Variants in RBFOX1 observed in about 807,000 individuals in gnomAD.
The protein encoded by RBFOX1 is RNA binding protein fox-1 homolog 1.
RBFOX1 carries 8 observed loss-of-function variants against 57.7 expected under a neutral mutation model. The observed-to-expected ratio is 0.14, with a 90% CI of 0.08 to 0.25. The LOEUF (loss-of-function observed/expected upper bound fraction) is 0.25. Among genes scored for constraint, RBFOX1 ranks in the 10% least tolerant of loss-of-function variants. RBFOX1 has a pLI of 1.00. For synonymous variants in RBFOX1, 326 were observed against 222.4 expected (o/e 1.47, Z -4.15); for missense variants, 611 against 548.5 (o/e 1.11, Z -1.14).
intron 3 of RBFOX1, among the ~76,000 whole-genome samples, chr16:6,738,552 A>T (rs1568413053): frequency 6.6e-6 from 1 of 152,196 alleles, no homozygotes; most frequent in Non-Finnish European, 1.5e-5. Flanking sequence ...GTAAACCTCA[A>T]CATCCATCTC....
At chr16:6,936,928 C>T (rs921615412) in intron 3 of RBFOX1, among the ~76,000 whole-genome samples, 2 of 118,728 alleles carry the variant, frequency 1.7e-5, no homozygotes, top group Admixed American at 1.3e-4. Context: ...CATGTGATCT[C>T]ATTGGGACTG....
intron 3 of RBFOX1, among the ~76,000 whole-genome samples, chr16:6,794,301 T>C (rs1341657011): frequency 1.4e-5 from 2 of 145,426 alleles, no homozygotes; most frequent in South Asian, 2.2e-4. Context: ...TTTTTTTTTT[T>C]ACAATGAAGG....
intron 4 of RBFOX1, among the ~76,000 whole-genome samples, chr16:7,105,003 C>G (rs950870915): frequency 1.3e-5 from 2 of 152,094 alleles, no homozygotes; most frequent in African/African-American, 4.8e-5. Context: ...GCTCTGCTTT[C>G]TTTGATTCAG....
At chr16:6,506,331 G>T (rs866771692) in intron 2 of RBFOX1, among the ~76,000 whole-genome samples, 1 of 152,028 alleles carries the variant, frequency 6.6e-6, no homozygotes, top group Non-Finnish European at 1.5e-5. Context: ...GGAGGGAAGA[G>T]CCAGACACTC....
chr16:6,648,474 A>T (rs1426225944), intron 2 of RBFOX1, among the ~76,000 whole-genome samples: 3 of 152,128 alleles, frequency 2.0e-5, no homozygotes, highest in African/African-American at 4.8e-5. Flanking sequence ...TGGTTATTAA[A>T]TAGTAACACC....
chr16:5,817,432 G>T (rs769872354), intron 3 of RBFOX1, among the ~76,000 whole-genome samples: 4 of 152,166 alleles, frequency 2.6e-5, no homozygotes, highest in Non-Finnish European at 5.9e-5. Context: ...TTGGCACAGT[G>T]TAGGTAATAA....
intron 4 of RBFOX1, among the ~76,000 whole-genome samples, chr16:5,893,658 T>C (rs1357967473): frequency 6.6e-6 from 1 of 151,964 alleles, no homozygotes; most frequent in Non-Finnish European, 1.5e-5. Context: ...AATAAAAAAT[T>C]AGCTGGGCGT....
chr16:5,431,839 A>T (rs908700181), intron 1 of RBFOX1, among the ~76,000 whole-genome samples: 1 of 152,160 alleles, frequency 6.6e-6, no homozygotes, highest in Non-Finnish European at 1.5e-5. Context: ...TCCCCCTAAC[A>T]TCCAAAATCG....
chr16:5,536,416 G>T (rs868098875), intron 2 of RBFOX1, among the ~76,000 whole-genome samples: 1 of 151,774 alleles, frequency 6.6e-6, no homozygotes, highest in Admixed American at 6.6e-5. Flanking sequence ...TGCATTTTTA[G>T]TAGAGATGGG....
At chr16:6,357,601 C>T (rs2087599494) in intron 2 of RBFOX1, among the ~76,000 whole-genome samples, 2 of 151,736 alleles carry the variant, frequency 1.3e-5, no homozygotes, top group Non-Finnish European at 2.9e-5. Context: ...CTCCCTCTTG[C>T]TCCCGCTTGT....
chr16:5,627,261 C>T (rs927832707), intron 3 of RBFOX1, among the ~76,000 whole-genome samples: 11 of 152,150 alleles, frequency 7.2e-5, no homozygotes, highest in Non-Finnish European at 1.0e-4. Flanking sequence ...ACCATCTTCT[C>T]TTCAAGATTT....
At chr16:6,928,928 T>G (rs1205266971) in intron 3 of RBFOX1, among the ~76,000 whole-genome samples, 1 of 152,046 alleles carries the variant, frequency 6.6e-6, no homozygotes, top group Non-Finnish European at 1.5e-5. Context: ...ATATGGGGGC[T>G]TCAAGTCCCC....
At chr16:5,950,935 C>G (rs886899576) in intron 4 of RBFOX1, among the ~76,000 whole-genome samples, 13 of 151,946 alleles carry the variant, frequency 8.6e-5, no homozygotes, top group African/African-American at 3.1e-4. Flanking sequence ...AGAGACCTAC[C>G]CAAAGTTGTA....
chr16:6,229,609 C>T (rs550865355), intron 1 of RBFOX1, among the ~76,000 whole-genome samples: 2 of 151,468 alleles, frequency 1.3e-5, no homozygotes, highest in Non-Finnish European at 2.9e-5. Context: ...ATAGTACTGA[C>T]TGAAGAGGAA....
intron 4 of RBFOX1, among the ~76,000 whole-genome samples, chr16:7,180,852 C>T (rs1028262851): frequency 1.3e-5 from 2 of 152,150 alleles, no homozygotes; most frequent in Non-Finnish European, 2.9e-5. Flanking sequence ...ATGCTTAAAG[C>T]TCATGACATT....
intron 4 of RBFOX1, among the ~76,000 whole-genome samples, chr16:7,103,620 C>T (rs1283717987): frequency 6.6e-6 from 1 of 152,166 alleles, no homozygotes; most frequent in African/African-American, 2.4e-5. Flanking sequence ...TTCTCTTCTT[C>T]ACCTCTCTGC....
intron 5 of RBFOX1, among the ~76,000 whole-genome samples, chr16:7,553,820 C>T (rs1317231522): frequency 1.3e-5 from 2 of 152,190 alleles, no homozygotes; most frequent in Non-Finnish European, 2.9e-5. Context: ...TAAGAAGAGA[C>T]AAGATTTTTA....
intron 4 of RBFOX1, among the ~76,000 whole-genome samples, chr16:7,083,704 T>G (rs1475068301): frequency 3.9e-5 from 6 of 152,216 alleles, no homozygotes; most frequent in African/African-American, 9.6e-5. Flanking sequence ...TTTCAGCTAT[T>G]TCACTCCTTT....
At position 7,504,734 on chromosome 16, in the gene RBFOX1, T is replaced by A. The variant is rs2072318485; in HGVS notation, c.28-13413T>A. ...TTATATATATATATATATATATATA[T>A]ATATATATATATATATATATTTATA... On this transcript the variant is annotated intron_variant, in intron 4 of 15. Coordinates refer to ENST00000550418, the MANE Select transcript of RBFOX1 (RefSeq NM_018723.4). Among the ~76,000 whole-genome samples, 2 of 7,536 alleles carry A rather than the reference T, an allele frequency of 2.7e-4. 1 individual carries two copies. The highest frequency in any genetic ancestry group is 8.9e-4 in the Non-Finnish European group (2 of 2,242). 4.9% of individuals were successfully genotyped at this position (7,536 alleles called of 152,430 possible).
Sources: allele counts gnomAD v4.1 joint callset (sites outside exome capture counted in the v4.1 genomes callset), GRCh38; gene constraint gnomAD v4.1.1; transcripts MANE v1.5; gene names NCBI Gene and HGNC (gene_info 2026-07-23, HGNC 2026-07-21).